Variants in SYNPR observed in about 807,000 individuals in gnomAD.
The protein encoded by SYNPR is synaptoporin.
SYNPR carries 23 observed loss-of-function variants against 32.9 expected under a neutral mutation model. That is an observed-to-expected ratio of 0.70 (90% CI 0.50 to 0.99). SYNPR has a LOEUF of 0.99. Ranked by LOEUF, SYNPR falls within the 50% of genes least tolerant of loss-of-function variation. The pLI is 0.00. For synonymous variants in SYNPR, 146 were observed against 135.9 expected, an observed-to-expected ratio of 1.07 and a Z score of -0.52; for missense variants, 318 against 349.3, an observed-to-expected ratio of 0.91 and a Z score of 0.71.
chr3:63,285,809 G>A (rs6792395), intron 2 of SYNPR, among the ~76,000 whole-genome samples: 69,944 of 152,012 alleles, frequency 0.46, 16,252 homozygotes, highest in Middle Eastern at 0.52. Flanking sequence ...TCATCTATAA[G>A]ATAGGGCTAA....
chr3:63,538,369 T>A lies in SYNPR; in HGVS notation c.210-18174T>A, dbSNP rs142156866. On this transcript the variant is annotated intron_variant, in intron 3 of 5. Transcript: ENST00000478300. ...TTTTGTGAATGGAAGGAGGCCAAAG[T>A]GCTGGGATATAGTGAACATTACACA... Among the ~76,000 whole-genome samples, 598 of 152,024 alleles carry A rather than the reference T, an allele frequency of 3.9e-3. 1 individual carries two copies. The highest frequency in any genetic ancestry group is 0.013 in the African/African-American group (557 of 41,484).
At position 63,600,659 on chromosome 3, in the gene SYNPR, G is replaced by A. The variant is rs1197281546; in HGVS notation, c.409-8466G>A. On this transcript the variant is annotated intron_variant, in intron 4 of 5. Transcript: ENST00000478300. ...TCTCATGTTAATGAGTGAGTCTTAT[G>A]AGATCTGATGGTTTTATAAGCAACT... Among the ~76,000 whole-genome samples, 4 of 152,158 alleles carry A rather than the reference G, an allele frequency of 2.6e-5. No individual in the cohort carries two copies. The South Asian group carries it at 8.3e-4, about 32-fold the overall frequency.
At chr3:63,516,193 T>A (rs935140544) in intron 3 of SYNPR, among the ~76,000 whole-genome samples, 2 of 152,182 alleles carry the variant, frequency 1.3e-5, no homozygotes, top group Non-Finnish European at 2.9e-5. Context: ...TTGTGCTCAC[T>A]ATCCTGCTGC....
chr3:63,302,429 G>C (rs994453947), intron 2 of SYNPR, among the ~76,000 whole-genome samples: 2 of 152,046 alleles, frequency 1.3e-5, no homozygotes, highest in African/African-American at 2.4e-5. Context: ...TTAGGAACCT[G>C]AGTTTGGAAA....
At chr3:63,338,904 A>T (rs1216794122) in intron 2 of SYNPR, among the ~76,000 whole-genome samples, 1 of 152,168 alleles carries the variant, frequency 6.6e-6, no homozygotes, top group Non-Finnish European at 1.5e-5. Flanking sequence ...TAGCTCCTTC[A>T]TGGGCCAAAG....
At chr3:63,340,360 T>G (rs2106999996) in intron 2 of SYNPR, among the ~76,000 whole-genome samples, 1 of 152,040 alleles carries the variant, frequency 6.6e-6, no homozygotes, top group African/African-American at 2.4e-5. Flanking sequence ...GGTTGAAAAA[T>G]TTTCAGTGAA....
At chr3:63,333,720 G>C (rs1291261010) in intron 2 of SYNPR, among the ~76,000 whole-genome samples, 1 of 152,066 alleles carries the variant, frequency 6.6e-6, no homozygotes, top group African/African-American at 2.4e-5. Context: ...TCCTGGCCCA[G>C]GAATTTCTTA....
intron 2 of SYNPR, among the ~76,000 whole-genome samples, chr3:63,471,682 C>T (rs973727892): frequency 6.6e-6 from 1 of 152,118 alleles, no homozygotes; most frequent in Non-Finnish European, 1.5e-5. Context: ...ATATTCCTCG[C>T]TTTTTTATGG....
chr3:63,277,632 C>T (rs552686452), upstream of SYNPR, among the ~76,000 whole-genome samples: 2 of 152,276 alleles, frequency 1.3e-5, no homozygotes, highest in African/African-American at 2.4e-5. Flanking sequence ...TTTCCACTGG[C>T]GCATGGTCCC....
At chr3:63,279,287 T>C (rs766589672) in intron 2 of SYNPR, among the ~76,000 whole-genome samples, 1 of 152,166 alleles carries the variant, frequency 6.6e-6, no homozygotes, top group Non-Finnish European at 1.5e-5. Context: ...TATTACAGAC[T>C]GTTATAAACG....
chr3:63,340,576 C>T lies in SYNPR; in HGVS notation c.84+61834C>T, dbSNP rs373214317. Among the ~76,000 whole-genome samples, 16 of 151,498 alleles carry T rather than the reference C, an allele frequency of 1.1e-4. No individual in the cohort carries two copies. In the East Asian group the frequency reaches 2.7e-3, roughly 26 times the overall value. On this transcript the variant is annotated intron_variant, in intron 2 of 5. Transcript: ENST00000478300. Reference sequence around the variant, plus strand: ...CTGGGACTACAGGCGCCCGCCACTACGCCCGGCTAATTTTTTGTATTTTTA... The same window carrying T: ...CTGGGACTACAGGCGCCCGCCACTATGCCCGGCTAATTTTTTGTATTTTTA...
chr3:63,393,491 C>CTTTTTTTTTTTTTTTTT (rs1482584312), intron 2 of SYNPR, among the ~76,000 whole-genome samples: 3 of 116,620 alleles, frequency 2.6e-5, no homozygotes, highest in African/African-American at 1.1e-4. Flanking sequence ...TTCTTTCTTT[C>CTTTTTTTTTTTTTTTTT]TTCTCTTTTT....
intron 2 of SYNPR, among the ~76,000 whole-genome samples, chr3:63,262,368 C>T (rs1453864922): frequency 2.0e-5 from 3 of 152,316 alleles, no homozygotes; most frequent in Admixed American, 6.5e-5. Context: ...AGAATCATTG[C>T]TCTGAGGCCC....
At chr3:63,389,415 T>C (rs966445518) in intron 2 of SYNPR, among the ~76,000 whole-genome samples, 3 of 152,200 alleles carry the variant, frequency 2.0e-5, no homozygotes, top group African/African-American at 7.2e-5. Context: ...CGATGGAAAG[T>C]GGCAAACTTA....
intron 2 of SYNPR, among the ~76,000 whole-genome samples, chr3:63,354,310 G>C (rs983946764): frequency 6.6e-6 from 1 of 152,192 alleles, no homozygotes; most frequent in African/African-American, 2.4e-5. Context: ...GTAAGGGTTT[G>C]CTTTCCTGAA....
chr3:63,301,752 G>A (rs181746921), intron 2 of SYNPR, among the ~76,000 whole-genome samples: 1 of 152,192 alleles, frequency 6.6e-6, no homozygotes, highest in Non-Finnish European at 1.5e-5. Context: ...TAGAAGCTTA[G>A]CAGTAACTAG....
At chr3:63,272,823 A>C (rs950004170) in intron 3 of SYNPR, among the ~76,000 whole-genome samples, 3 of 152,066 alleles carry the variant, frequency 2.0e-5, no homozygotes, top group African/African-American at 7.2e-5. Context: ...CACCAGATTA[A>C]AGCCTTCTTC....
intron 2 of SYNPR, among the ~76,000 whole-genome samples, chr3:63,306,551 T>C (rs1045847733): frequency 1.3e-5 from 2 of 151,416 alleles, no homozygotes; most frequent in Admixed American, 6.6e-5. Flanking sequence ...AAAAAAACAA[T>C]ATAAAATTAG....
chr3:63,526,698 T>C (rs1286953372), intron 3 of SYNPR, among the ~76,000 whole-genome samples: 1 of 152,162 alleles, frequency 6.6e-6, no homozygotes. Flanking sequence ...GGTGCATAGA[T>C]GTGACATCAC....
Sources: gnomAD v4.1 joint callset for allele counts (sites outside exome capture counted in the v4.1 genomes callset) on GRCh38, gnomAD v4.1.1 for gene constraint, MANE v1.5 for transcripts, NCBI Gene and HGNC (gene_info 2026-07-23, HGNC 2026-07-21) for gene names.